The following DTNA variants were observed in gnomAD, a reference collection of about 807,000 sequenced individuals.
DTNA encodes dystrobrevin alpha, also known as dystrophin-related protein 3.
A neutral mutation model predicts 100.7 loss-of-function variants in DTNA; 43 were observed. That is an observed-to-expected ratio of 0.43 (90% confidence interval 0.33 to 0.55). The LOEUF is 0.55. DTNA is among the 20% of genes least tolerant of loss of function. The pLI is 0.04. For missense variants in DTNA, 798 were observed against 953.9 expected (o/e 0.84, Z 2.15); for synonymous variants, 349 against 347.9 (o/e 1.00, Z -0.04).
chr18:34,524,593 A>G (rs2042436312), intron 1 of DTNA, among the ~76,000 whole-genome samples: 1 of 152,080 alleles, frequency 6.6e-6, no homozygotes, highest in Non-Finnish European at 1.5e-5. Context: ...TAAATTACAA[A>G]CTGTTTTCCA....
At chr18:34,498,357 CG>C (rs1453103346) in intron 1 of DTNA, among the ~76,000 whole-genome samples, 5 of 151,226 alleles carry the variant, frequency 3.3e-5, no homozygotes, top group African/African-American at 1.2e-4. Flanking sequence ...GGTGTGAACC[CG>C]GGAGGCAGAG....
chr18:34,877,957 G>C, intron 19 of DTNA, 149 bp downstream of exon 19: 1 of 804,458 alleles, frequency 1.2e-6, no homozygotes, highest in Non-Finnish European at 1.9e-6. Flanking sequence ...CAGATTTGAG[G>C]GGTTTTTTTT....
intron 1 of DTNA, among the ~76,000 whole-genome samples, chr18:34,592,899 T>G (rs1307604766): frequency 1.3e-5 from 2 of 152,148 alleles, no homozygotes; most frequent in African/African-American, 2.4e-5. Context: ...GAAAAAAAAT[T>G]TACTATTTGT....
intron 1 of DTNA, among the ~76,000 whole-genome samples, chr18:34,551,303 G>A (rs2045387465): frequency 6.6e-6 from 1 of 152,044 alleles, no homozygotes; most frequent in Admixed American, 6.6e-5. Flanking sequence ...CAAGTCAAGT[G>A]GTTCTGCCTC....
chr18:34,827,179 G>A (rs1383001961), intron 9 of DTNA, among the ~76,000 whole-genome samples: 1 of 152,158 alleles, frequency 6.6e-6, no homozygotes, highest in Non-Finnish European at 1.5e-5. Flanking sequence ...AACACAGAAG[G>A]AACCTTTCAA....
chr18:34,725,510 C>T (rs938191959), intron 1 of DTNA, among the ~76,000 whole-genome samples: 2 of 152,116 alleles, frequency 1.3e-5, no homozygotes, highest in African/African-American at 4.8e-5. Flanking sequence ...CTCATCATCA[C>T]TGGTCATTAG....
intron 1 of DTNA, among the ~76,000 whole-genome samples, chr18:34,645,703 T>C (rs764103572): frequency 5.3e-5 from 8 of 152,058 alleles, no homozygotes; most frequent in Non-Finnish European, 1.0e-4. Context: ...TTGAAGTAAA[T>C]AGGGAGTCTC....
At chr18:34,766,088 G>C (rs1259549229) in intron 3 of DTNA, 47 bp downstream of exon 3, 1 of 1,588,512 alleles carries the variant, frequency 6.3e-7, no homozygotes, top group South Asian at 1.1e-5. Context: ...GAATCCTATA[G>C]TTTACATTTG....
chr18:34,506,378 A>G (rs953213920), intron 1 of DTNA, among the ~76,000 whole-genome samples: 46 of 152,242 alleles, frequency 3.0e-4, no homozygotes, highest in African/African-American at 1.1e-3. Context: ...ACTGGTGAAA[A>G]TGAAAGTCCC....
intron 20 of DTNA, among the ~76,000 whole-genome samples, chr18:34,881,088 G>A (rs1029295331): frequency 1.3e-5 from 2 of 152,208 alleles, no homozygotes; most frequent in Non-Finnish European, 2.9e-5. Flanking sequence ...AAAGTTAACA[G>A]AGTCCTGGGC....
chr18:34,828,429 T>A (rs1257230097), intron 10 of DTNA, among the ~76,000 whole-genome samples: 1 of 152,162 alleles, frequency 6.6e-6, no homozygotes, highest in Non-Finnish European at 1.5e-5. Flanking sequence ...GAGTGAGTAA[T>A]TGAACATAAG....
intron 1 of DTNA, among the ~76,000 whole-genome samples, chr18:34,603,886 G>C (rs1057267245): frequency 1.3e-5 from 2 of 151,864 alleles, no homozygotes; most frequent in African/African-American, 4.8e-5. Flanking sequence ...TTTCCTTTAA[G>C]TTCAGAAGTT....
At chr18:34,878,689 GAAATAAATAGC>G (rs2096842650) in intron 19 of DTNA, among the ~76,000 whole-genome samples, 1 of 152,136 alleles carries the variant, frequency 6.6e-6, no homozygotes, top group Non-Finnish European at 1.5e-5. Flanking sequence ...GATCTGCCCA[GAAATAAATAGC>G]ATAAAATTTA....
At chr18:34,518,509 C>G (rs1332601810) in intron 1 of DTNA, among the ~76,000 whole-genome samples, 1 of 151,884 alleles carries the variant, frequency 6.6e-6, no homozygotes, top group African/African-American at 2.4e-5. Flanking sequence ...ACCTAAATCT[C>G]TATCCTGAAG....
At chr18:34,575,332 TG>T (rs2048011475) in intron 1 of DTNA, among the ~76,000 whole-genome samples, 1 of 152,244 alleles carries the variant, frequency 6.6e-6, no homozygotes, top group Non-Finnish European at 1.5e-5. Flanking sequence ...AGATTTTACT[TG>T]ATGTTATACG....
At chr18:34,795,250 G>A (rs990669707) in intron 4 of DTNA, among the ~76,000 whole-genome samples, 2 of 152,192 alleles carry the variant, frequency 1.3e-5, no homozygotes, top group South Asian at 2.1e-4. Context: ...CCAGGCTAAT[G>A]TTATTTTGCA....
chr18:34,537,303 T>C (rs1192944721), intron 1 of DTNA, among the ~76,000 whole-genome samples: 2 of 151,986 alleles, frequency 1.3e-5, no homozygotes, highest in Non-Finnish European at 2.9e-5. Flanking sequence ...ATCAACTGTC[T>C]TACTCTTTCT....
At chr18:34,586,785 G>A (rs915763479) in intron 1 of DTNA, among the ~76,000 whole-genome samples, 2 of 152,026 alleles carry the variant, frequency 1.3e-5, no homozygotes, top group South Asian at 2.1e-4. Flanking sequence ...GTATATGCTG[G>A]CAGAGTTCAA....
chr18:34,890,409 C>T lies in DTNA; in HGVS notation c.*2675C>T. On this transcript the variant is annotated 3_prime_UTR_variant, in exon 23 of 23. Transcript: ENST00000444659. ...TTTTTTGGTGGGTTTCTTTCCTTGG[C>T]TCTCCAGATTTACTTTTGGGGCCTG... 6.5e-7 allele frequency: 1 copy of T among 1,536,106 alleles called. No individual in the cohort carries two copies. The highest frequency in any genetic ancestry group is 2.0e-5 in the Admixed American group (1 of 50,986).
Sources: gnomAD v4.1 joint callset for allele counts (sites outside exome capture counted in the v4.1 genomes callset) on GRCh38, gnomAD v4.1.1 for gene constraint, MANE v1.5 for transcripts, NCBI Gene and HGNC (gene_info 2026-07-23, HGNC 2026-07-21) for gene names.